The following SHISA9 variants were observed in gnomAD, a reference collection of about 807,000 sequenced individuals.
SHISA9 encodes the protein protein shisa-9.
SHISA9 carries 13 observed loss-of-function variants against 38.0 expected under a neutral mutation model. The observed-to-expected ratio is 0.34, with a 90% confidence interval of 0.22 to 0.54. The LOEUF (loss-of-function observed/expected upper bound fraction) is 0.54. Ranked by LOEUF, SHISA9 falls within the 20% of genes least tolerant of loss-of-function variation. The pLI, the probability that SHISA9 is intolerant of heterozygous loss-of-function variation, is 0.91. For synonymous variants in SHISA9, 275 were observed against 242.0 expected (o/e 1.14, Z -1.27); for missense variants, 538 against 575.8 (o/e 0.93, Z 0.67).
At chr16:13,342,830 C>T in the SHISA9 span, among the ~76,000 whole-genome samples, 1 of 152,154 alleles carries the variant, frequency 6.6e-6, no homozygotes, top group Non-Finnish European at 1.5e-5. Flanking sequence ...ACCATACTTT[C>T]CTGGCAACAC....
the SHISA9 span, among the ~76,000 whole-genome samples, chr16:13,439,757 C>T: frequency 6.6e-6 from 1 of 152,148 alleles, no homozygotes; most frequent in African/African-American, 2.4e-5. Context: ...TAAATGTCTC[C>T]GCTGCTGCCA....
chr16:13,378,509 C>T, the SHISA9 span, among the ~76,000 whole-genome samples: 75 of 152,256 alleles, frequency 4.9e-4, no homozygotes, highest in African/African-American at 1.8e-3. Context: ...AGGAAGATGC[C>T]GTGGTCTACT....
chr16:13,193,672 T>A (rs8054294), intron 2 of SHISA9, among the ~76,000 whole-genome samples: 10 of 151,964 alleles, frequency 6.6e-5, no homozygotes. Flanking sequence ...GCACATGACT[T>A]TTGTCTGAGT....
Position 13,158,234 on chromosome 16 carries a change from A to G in SHISA9, c.692-45160A>G, listed in dbSNP as rs2050564457. 2.0e-5 allele frequency among the ~76,000 whole-genome samples: 3 copies of G among 152,234 alleles called. No individual in the cohort carries two copies. The South Asian group carries it at 6.2e-4, about 32-fold the overall frequency. On this transcript the variant is annotated intron_variant, in intron 2 of 4. Transcript: ENST00000558583. ...TTTGTCTTCAGACTGACCAACATTCAGATCCCAGCTTTGCCTCTCACTGAC... is the reference window on the plus strand; with the variant it reads ...TTTGTCTTCAGACTGACCAACATTCGGATCCCAGCTTTGCCTCTCACTGAC...
intron 2 of SHISA9, among the ~76,000 whole-genome samples, chr16:13,065,283 C>T (rs1314364135): frequency 6.6e-6 from 1 of 152,206 alleles, no homozygotes; most frequent in Non-Finnish European, 1.5e-5. Context: ...ACTCCCTCAT[C>T]CCTGTCCCTT....
intron 2 of SHISA9, among the ~76,000 whole-genome samples, chr16:13,000,476 A>G (rs1286027458): frequency 1.3e-5 from 2 of 152,174 alleles, no homozygotes; most frequent in South Asian, 2.1e-4. Context: ...AAACGAACCA[A>G]ACTCTTCTAT....
chr16:13,153,818 A>T (rs1454219852), intron 2 of SHISA9, among the ~76,000 whole-genome samples: 1 of 152,190 alleles, frequency 6.6e-6, no homozygotes, highest in African/African-American at 2.4e-5. Context: ...TTGGGAACGC[A>T]GCATCTCTGG....
chr16:12,901,941 C>A lies in SHISA9; in HGVS notation c.-124C>A, dbSNP rs2071021100. 2 of 725,182 alleles carry A rather than the reference C, an allele frequency of 2.8e-6. No individual in the cohort carries two copies. The highest frequency in any genetic ancestry group is 3.8e-6 in the Non-Finnish European group (2 of 524,098). 44.9% of individuals were successfully genotyped at this position (725,182 alleles called of 1,614,324 possible). A position where few individuals can be genotyped will look rare whatever the true frequency, so the allele number is the denominator to read the frequency against. On this transcript the variant is annotated 5_prime_UTR_variant, in exon 1 of 5. Coordinates refer to ENST00000558583, the MANE Select transcript of SHISA9 (RefSeq NM_001145204.3). Reference sequence around the variant, plus strand: ...ACCGAGCGCCCCGCGCCGCTCCCTGCATGTGCGGCCCGCGGCGGCTCGCAG... The same window carrying A: ...ACCGAGCGCCCCGCGCCGCTCCCTGAATGTGCGGCCCGCGGCGGCTCGCAG...
the SHISA9 span, among the ~76,000 whole-genome samples, chr16:13,324,978 A>G: frequency 2.6e-5 from 4 of 152,244 alleles, no homozygotes; most frequent in Non-Finnish European, 5.9e-5. Flanking sequence ...GAAGAGTTGA[A>G]TTCAGCATAA....
chr16:13,459,492 A>G, the SHISA9 span, among the ~76,000 whole-genome samples: 1 of 151,980 alleles, frequency 6.6e-6, no homozygotes, highest in African/African-American at 2.4e-5. Context: ...GTTCTAGCCT[A>G]TTTATTTTTA....
chr16:13,126,256 C>T (rs1027606451), intron 2 of SHISA9, among the ~76,000 whole-genome samples: 1 of 152,180 alleles, frequency 6.6e-6, no homozygotes, highest in Admixed American at 6.5e-5. Flanking sequence ...TCTATCATAA[C>T]GCTGACCTCA....
At chr16:13,020,183 T>A (rs2072834809) in intron 2 of SHISA9, among the ~76,000 whole-genome samples, 1 of 151,330 alleles carries the variant, frequency 6.6e-6, no homozygotes, top group Non-Finnish European at 1.5e-5. Flanking sequence ...AGTGCCACCA[T>A]GCCTGGCTAA....
chr16:13,545,231 G>C, the SHISA9 span, among the ~76,000 whole-genome samples: 5 of 152,338 alleles, frequency 3.3e-5, no homozygotes, highest in East Asian at 9.6e-4. Context: ...AAGTGGTACA[G>C]CTAGAATTCT....
chr16:13,441,596 G>A, the SHISA9 span, among the ~76,000 whole-genome samples: 1 of 152,082 alleles, frequency 6.6e-6, no homozygotes, highest in Non-Finnish European at 1.5e-5. Context: ...CTAAGGGGAG[G>A]GTGCTAAGTG....
chr16:13,050,832 C>G (rs754661021), intron 2 of SHISA9, among the ~76,000 whole-genome samples: 5 of 152,132 alleles, frequency 3.3e-5, no homozygotes, highest in Non-Finnish European at 7.3e-5. Flanking sequence ...ATCCTAATCT[C>G]CTAAAGATTC....
intron 2 of SHISA9, among the ~76,000 whole-genome samples, chr16:13,189,548 TG>T (rs2050862476): frequency 6.6e-6 from 1 of 152,176 alleles, no homozygotes; most frequent in African/African-American, 2.4e-5. Context: ...AGTTTTTACG[TG>T]GTTAATGTGC....
chr16:13,439,138 T>G, the SHISA9 span, among the ~76,000 whole-genome samples: 1 of 152,218 alleles, frequency 6.6e-6, no homozygotes, highest in East Asian at 1.9e-4. Flanking sequence ...AGCAGAGAGC[T>G]CACATAAGAG....
chr16:13,441,636 T>A, the SHISA9 span, among the ~76,000 whole-genome samples: 11 of 152,194 alleles, frequency 7.2e-5, no homozygotes, highest in African/African-American at 2.7e-4. Flanking sequence ...ATGTTTTCTA[T>A]AAGTGATTGT....
At chr16:13,076,371 CT>C (rs2141929639) in intron 2 of SHISA9, among the ~76,000 whole-genome samples, 1 of 152,262 alleles carries the variant, frequency 6.6e-6, no homozygotes, top group South Asian at 2.1e-4. Context: ...TACTCTGCCT[CT>C]GCAAATATTC....
Sources: allele counts gnomAD v4.1 joint callset (sites outside exome capture counted in the v4.1 genomes callset), GRCh38; gene constraint gnomAD v4.1.1; transcripts MANE v1.5; gene names NCBI Gene and HGNC (gene_info 2026-07-23, HGNC 2026-07-21).